TEKTL1: variants seen among roughly 807,000 people sequenced by gnomAD.
TEKTL1 encodes the protein tektin like 1.
the TEKTL1 span, chr19:15,021,782 C>T: frequency 2.5e-6 from 4 of 1,611,994 alleles, no homozygotes; most frequent in East Asian, 6.7e-5. Context: ...GGTTTCAATG[C>T]GCTTGCACAC....
the TEKTL1 span, chr19:15,021,941 C>T: frequency 2.5e-6 from 4 of 1,579,398 alleles, no homozygotes; most frequent in African/African-American, 4.0e-5. Context: ...CCCCCGTACC[C>T]CTCTAGGCCC....
the TEKTL1 span, chr19:15,013,713 G>A: frequency 6.2e-7 from 1 of 1,613,920 alleles, no homozygotes; most frequent in East Asian, 2.2e-5. Flanking sequence ...GGGAGAAAGA[G>A]GAGCTGAAAA....
chr19:15,022,931 G>A, the TEKTL1 span: 1 of 1,610,442 alleles, frequency 6.2e-7, no homozygotes, highest in Non-Finnish European at 8.5e-7. Flanking sequence ...CGAGCTGCTC[G>A]CCACGCACAA....
chr19:15,022,900 G>C, the TEKTL1 span: 1 of 1,601,062 alleles, frequency 6.2e-7, no homozygotes, highest in African/African-American at 1.3e-5. Context: ...GCCACATCAC[G>C]TACCTGGAAA....
chr19:15,020,057 C>T, the TEKTL1 span, among the ~76,000 whole-genome samples: 1 of 150,544 alleles, frequency 6.6e-6, no homozygotes, highest in South Asian at 2.1e-4. Context: ...CCTGTAATTC[C>T]AACACTTTGG....
chr19:15,018,495 G>T, the TEKTL1 span, among the ~76,000 whole-genome samples: 205 of 151,662 alleles, frequency 1.4e-3, no homozygotes, highest in African/African-American at 4.6e-3. Flanking sequence ...GATTGCTTGA[G>T]CCCAGGAGTT....
chr19:15,023,139 C>T, the TEKTL1 span: 1 of 1,558,928 alleles, frequency 6.4e-7, no homozygotes, highest in South Asian at 1.2e-5. Flanking sequence ...CGTCCCCCGC[C>T]CCAGCCAGCT....
chr19:15,012,609 G>A, the TEKTL1 span, among the ~76,000 whole-genome samples: 2 of 151,968 alleles, frequency 1.3e-5, no homozygotes, highest in Non-Finnish European at 2.9e-5. Flanking sequence ...AGATGCCTAA[G>A]CCCCCAAGAC....
chr19:15,018,732 A>ATATATATATATATATATT, the TEKTL1 span, among the ~76,000 whole-genome samples: 109 of 78,630 alleles, frequency 1.4e-3, 26 homozygotes, highest in Non-Finnish European at 2.2e-3. Context: ...ATATATATAT[A>ATATATATATATATATATT]ACTTCCCTGG....
At chr19:15,018,537 C>T in the TEKTL1 span, among the ~76,000 whole-genome samples, 4 of 149,922 alleles carry the variant, frequency 2.7e-5, no homozygotes, top group Admixed American at 6.7e-5. Flanking sequence ...AGTAAGACCG[C>T]GTCCCTACAA....
chr19:15,012,063 C>T, the TEKTL1 span, among the ~76,000 whole-genome samples: 4 of 151,372 alleles, frequency 2.6e-5, no homozygotes, highest in Non-Finnish European at 5.9e-5. Context: ...GGAGACCAGC[C>T]TGAGCAACAT....
chr19:15,012,652 T>A, the TEKTL1 span, among the ~76,000 whole-genome samples: 1 of 151,640 alleles, frequency 6.6e-6, no homozygotes, highest in African/African-American at 2.4e-5. Context: ...GGAGATGAGA[T>A]CCTCAGCTTC....
the TEKTL1 span, chr19:15,020,691 G>T: frequency 6.4e-7 from 1 of 1,563,666 alleles, no homozygotes; most frequent in Non-Finnish European, 8.7e-7. Context: ...TCGTATTGGT[G>T]CCCACCCAGA....
the TEKTL1 span, chr19:15,020,599 A>G: frequency 6.2e-7 from 1 of 1,613,648 alleles, no homozygotes; most frequent in Admixed American, 1.7e-5. Context: ...CCGAGCCCCC[A>G]CTCCACGCAC....
At chr19:15,013,709 A>C in the TEKTL1 span, 5 of 1,613,922 alleles carry the variant, frequency 3.1e-6, no homozygotes, top group Non-Finnish European at 4.2e-6. Flanking sequence ...ACATGGGAGA[A>C]AGAGGAGCTG....
At chr19:15,010,890 G>T in the TEKTL1 span, 1,484 of 1,564,876 alleles carry the variant, frequency 9.5e-4, 21 homozygotes, top group African/African-American at 0.018. Context: ...CCAGCATGGC[G>T]CGAGGCAGCT....
At chr19:15,018,732 A>ATATATT in the TEKTL1 span, among the ~76,000 whole-genome samples, 260 of 78,636 alleles carry the variant, frequency 3.3e-3, 57 homozygotes, top group Middle Eastern at 0.021. Flanking sequence ...ATATATATAT[A>ATATATT]ACTTCCCTGG....
At chr19:15,011,314 C>T in the TEKTL1 span, 1 of 1,523,898 alleles carries the variant, frequency 6.6e-7, no homozygotes, top group South Asian at 1.3e-5. Context: ...TCACCGACCA[C>T]AGGCTCAGCG....
the TEKTL1 span, among the ~76,000 whole-genome samples, chr19:15,014,723 T>TG: frequency 1.2e-3 from 6 of 5,046 alleles, no homozygotes; most frequent in African/African-American, 3.0e-3. Context: ...GGAGACTCAG[T>TG]GGGGGGGCGG....
Sources: allele counts gnomAD v4.1 joint callset (sites outside exome capture counted in the v4.1 genomes callset), GRCh38; gene constraint gnomAD v4.1.1; transcripts MANE v1.5; gene names NCBI Gene and HGNC (gene_info 2026-07-23, HGNC 2026-07-21).